The following CAMKV variants were observed in gnomAD, a reference collection of about 807,000 sequenced individuals.
CAMKV encodes the protein caM kinase-like vesicle-associated protein.
Under a neutral mutation model 50.2 loss-of-function variants are expected in CAMKV, and 5 were observed. The observed-to-expected ratio is 0.10, with a 90% CI of 0.05 to 0.21. The LOEUF (loss-of-function observed/expected upper bound fraction) is 0.21. CAMKV is among the 10% of genes least tolerant of loss of function. CAMKV has a pLI of 1.00. For missense variants in CAMKV, 361 were observed against 650.5 expected, an observed-to-expected ratio of 0.55 and a Z score of 4.84; for synonymous variants, 229 against 250.1, an observed-to-expected ratio of 0.92 and a Z score of 0.80.
Position 49,861,953 on chromosome 3 carries a change from T to A in CAMKV, c.228-88A>T. On this transcript the variant is annotated intron_variant, in intron 3 of 10. Coordinates refer to ENST00000477224, the MANE Select transcript of CAMKV (RefSeq NM_024046.5). This position sits in a 1 kb window ranked among gnomAD's most constrained non-coding sequence, Gnocchi z 7.7. ...ACCACAGTGGCCACAGCAGACTAAT[T>A]GGCCAGAGGCTGGGACTGCCTGAGG... 1 of 1,608,122 alleles carries A rather than the reference T, an allele frequency of 6.2e-7. No individual in the cohort carries two copies.
At position 49,869,820 on chromosome 3, in the gene CAMKV, C is replaced by G. The variant is rs1229032904; in HGVS notation, c.-77G>C. On this transcript the variant is annotated 5_prime_UTR_variant, in exon 1 of 11. Transcript: ENST00000477224. The surrounding 1 kb of genome is among the most constrained non-coding windows in gnomAD (Gnocchi z 5.2). ...GGGCTCAGCGGGGCGCCGAGGGCTC[C>G]GGGGACGGCGGGCAGAATCCGCTCC... 1.3e-5 allele frequency: 2 copies of G among 152,222 alleles called. No homozygotes were observed. Among genetic ancestry groups the G allele is most frequent in the African/African-American group, 4.8e-5 (2 of 41,442 alleles). The allele number at this position is 152,222 out of a possible 1,614,324, so 9.4% of individuals were successfully genotyped here.
chr3:49,866,720 T>C (rs1248578460), intron 1 of CAMKV, among the ~76,000 whole-genome samples: 1 of 152,120 alleles, frequency 6.6e-6, no homozygotes, highest in Non-Finnish European at 1.5e-5. Flanking sequence ...CCTCCAGCAA[T>C]CCTGAGGGGT....
rs984276821 is a variant in CAMKV at position 49,861,661 on chromosome 3, A to T, written c.303-84T>A. ...CTTGGGTGAGCTGCCTACGCCAGGCAGCTGGCTGAGCAAGGCACAGGGACC... is the reference window on the plus strand; with the variant it reads ...CTTGGGTGAGCTGCCTACGCCAGGCTGCTGGCTGAGCAAGGCACAGGGACC... On this transcript the variant is annotated intron_variant, in intron 4 of 10. Coordinates refer to ENST00000477224, the MANE Select transcript of CAMKV (RefSeq NM_024046.5). The surrounding 1 kb of genome is among the most constrained non-coding windows in gnomAD (Gnocchi z 7.7). 1.2e-6 allele frequency: 2 copies of T among 1,603,462 alleles called. No homozygotes were observed. Among genetic ancestry groups the T allele is most frequent in the African/African-American group, 2.7e-5 (2 of 74,632 alleles).
rs778486705 is a variant in CAMKV, at chr3:49,859,765, C to G, written c.1059G>C (p.Gly353=). The G allele has an allele frequency of 6.4e-7, 1 of 1,565,020 alleles. No homozygotes were observed. The highest frequency in any genetic ancestry group is 2.2e-5 in the East Asian group (1 of 44,554). ...CTCCACTCGCAGCTGCAGCTGTGGC[C>G]CCACCTGCAGCCCCGGGGGTGGCAG... ...TDTATPGAAG[G]ATAAAASGAT... Residue 353 remains glycine (G), a synonymous_variant, in exon 11 of 11, where the codon GGG becomes GGC. Coordinates refer to ENST00000477224, the MANE Select transcript of CAMKV (RefSeq NM_024046.5). The surrounding 1 kb of genome is among the most constrained non-coding windows in gnomAD (Gnocchi z 5.5).
In CAMKV at chr3:49,860,795, A is replaced by G; in HGVS notation, c.696T>C (p.His232=). 5 of 1,614,060 alleles carry G rather than the reference A, an allele frequency of 3.1e-6. No homozygotes were observed. The highest frequency in any genetic ancestry group is 3.4e-6 in the Non-Finnish European group (4 of 1,180,006). Residue 232 remains histidine, a synonymous_variant, in exon 8 of 11, where the codon CAT becomes CAC. Coordinates refer to ENST00000477224, the MANE Select transcript of CAMKV (RefSeq NM_024046.5). This position sits in a 1 kb window ranked among gnomAD's most constrained non-coding sequence, Gnocchi z 6.1. The part of the protein sequence containing the change: ...EEVEEDDYEN[H]DKNLFRKILA... ...GGATCTTGCGGAAGAGATTCTTATC[A>G]TGGTTCTCATAATCATCTTCTTCCA... is the stretch of plus-strand genomic sequence containing the variant.
chr3:49,860,339 AG>A lies in CAMKV; in HGVS notation c.855-82del. The A allele has an allele frequency of 2.0e-6, 3 of 1,532,862 alleles. No homozygotes were observed. Among genetic ancestry groups the A allele is most frequent in the Non-Finnish European group, 2.7e-6 (3 of 1,107,606 alleles). 95.0% of individuals were successfully genotyped at this position (1,532,862 alleles called of 1,614,324 possible). ...TGCTCAGCCCTTCTATGTGGCATCC[AG>A]GGACTACCAGGCAGAGCCTCTGGGC... On this transcript the variant is annotated intron_variant, in intron 9 of 10. Coordinates refer to ENST00000477224, the MANE Select transcript of CAMKV (RefSeq NM_024046.5). The surrounding 1 kb of genome is among the most constrained non-coding windows in gnomAD (Gnocchi z 6.1).
At chr3:49,868,544 G>A (rs2082082074) in intron 1 of CAMKV, among the ~76,000 whole-genome samples, 1 of 152,192 alleles carries the variant, frequency 6.6e-6, no homozygotes, top group South Asian at 2.1e-4. Flanking sequence ...CTGGAGAGTA[G>A]GGCCATCAGA....
chr3:49,864,636 G>T (rs978684999), intron 1 of CAMKV, among the ~76,000 whole-genome samples: 1 of 152,120 alleles, frequency 6.6e-6, no homozygotes, highest in Non-Finnish European at 1.5e-5. Flanking sequence ...CATAATACCC[G>T]GTCAGTGTGA....
Position 49,861,044 on chromosome 3 carries a change from G to T in CAMKV, c.563-26C>A. 1 of 1,613,742 alleles carries T rather than the reference G, an allele frequency of 6.2e-7. No homozygotes were observed. Among genetic ancestry groups the T allele is most frequent in the Non-Finnish European group, 8.5e-7 (1 of 1,179,900 alleles). ...CTACAAACACAGCGCCCATCTGCTG[G>T]TCAGTATCAGGCCTAGCCAGGTCCA... On this transcript the variant is annotated intron_variant, in intron 6 of 10. Transcript: ENST00000477224. The surrounding 1 kb of genome is among the most constrained non-coding windows in gnomAD (Gnocchi z 7.7).
Position 49,862,506 on chromosome 3 carries a change from G to C in CAMKV, c.-14-104C>G. ...CAACCTGGCTCAGGCCAAGCTAGGG[G>C]CAGAGACCATACCAGGAGGGGCTAG... On this transcript the variant is annotated intron_variant, in intron 1 of 10. Coordinates refer to ENST00000477224, the MANE Select transcript of CAMKV (RefSeq NM_024046.5). The surrounding 1 kb of genome is among the most constrained non-coding windows in gnomAD (Gnocchi z 5.2). 1.1e-6 allele frequency: 1 copy of C among 940,818 alleles called. No homozygotes were observed. The highest frequency in any genetic ancestry group is 1.4e-5 in the South Asian group (1 of 73,782). The allele number at this position is 940,818 out of a possible 1,614,324, so 58.3% of individuals were successfully genotyped here. A position where few individuals can be genotyped will look rare whatever the true frequency, so the allele number is the denominator to read the frequency against.
chr3:49,863,211 A>G (rs2082038165), intron 1 of CAMKV, among the ~76,000 whole-genome samples: 1 of 152,270 alleles, frequency 6.6e-6, no homozygotes, highest in African/African-American at 2.4e-5. Flanking sequence ...TAAGGGGGAT[A>G]CAAACACAGC....
intron 1 of CAMKV, among the ~76,000 whole-genome samples, chr3:49,867,790 C>G (rs926326801): frequency 6.6e-6 from 1 of 151,976 alleles, no homozygotes; most frequent in Non-Finnish European, 1.5e-5. Context: ...AAAGACAGAA[C>G]CTGTGATGGA....
rs1360882177 is a variant in CAMKV at position 49,862,091 on chromosome 3, G to A, written c.181C>T (p.Arg61Cys). 4 of 1,614,126 alleles carry A rather than the reference G, an allele frequency of 2.5e-6. No homozygotes were observed. The highest frequency in any genetic ancestry group is 3.4e-6 in the Non-Finnish European group (4 of 1,180,032). The stretch of plus-strand genomic sequence containing the variant: ...TTCTTGGCAGCTTTCCGCACCTTGC[G>A]GCCGTCCCGCTTCTGGAACTTCTTG... ...TCKKFQKRDGRKVRKAAKNEI... is the reference protein window; with the variant it reads ...TCKKFQKRDGCKVRKAAKNEI... Residue 61 changes from arginine (R) to cysteine (C), a missense_variant, in exon 3 of 11, where the codon CGC becomes TGC. By Grantham distance (180) the Arg-to-Cys change is radical. Around this residue, in one of 4 missense-constraint regions of CAMKV, gnomAD observed 172 missense variants for 414.3 expected, o/e 0.42. Coordinates refer to ENST00000477224, the MANE Select transcript of CAMKV (RefSeq NM_024046.5). This position sits in a 1 kb window ranked among gnomAD's most constrained non-coding sequence, Gnocchi z 5.2.
At position 49,861,153 on chromosome 3, in the gene CAMKV, C is replaced by T; in HGVS notation, c.562+27G>A. 6.3e-7 allele frequency: 1 copy of T among 1,592,046 alleles called. No individual in the cohort carries two copies. ...CCTGAAGGCTGCCCCCCATTATCCCCCTGCCCCTGCCCCACCCCCTGCTTG... is the reference window on the plus strand; with the variant it reads ...CCTGAAGGCTGCCCCCCATTATCCCTCTGCCCCTGCCCCACCCCCTGCTTG... On this transcript the variant is annotated intron_variant, in intron 6 of 10. Coordinates refer to ENST00000477224, the MANE Select transcript of CAMKV (RefSeq NM_024046.5). This position sits in a 1 kb window ranked among gnomAD's most constrained non-coding sequence, Gnocchi z 7.7.
chr3:49,861,425 G>A lies in CAMKV; in HGVS notation c.441+14C>T. 1 of 1,614,064 alleles carries A rather than the reference G, an allele frequency of 6.2e-7. No individual in the cohort carries two copies. The highest frequency in any genetic ancestry group is 8.5e-7 in the Non-Finnish European group (1 of 1,180,024). On this transcript the variant is annotated intron_variant, in intron 5 of 10. Coordinates refer to ENST00000477224, the MANE Select transcript of CAMKV (RefSeq NM_024046.5). This position sits in a 1 kb window ranked among gnomAD's most constrained non-coding sequence, Gnocchi z 7.7. Reference sequence around the variant, plus strand: ...AGCTGCCAACTGGCCCTTTGACTCTGGCTCTGCCCTCACCTTGAGATTCCT... The same window carrying A: ...AGCTGCCAACTGGCCCTTTGACTCTAGCTCTGCCCTCACCTTGAGATTCCT...
chr3:49,859,579 A>G lies in CAMKV; in HGVS notation c.1245T>C (p.Asp415=). ...ATDGSITPAT[D]GSVTPATDRS... is the part of the protein sequence containing the mutation. ...TGTCAGTGGCTGGGGTGACACTCCCATCAGTGGCTGGAGTGATGCTTCCAT... is the reference window on the plus strand; with the variant it reads ...TGTCAGTGGCTGGGGTGACACTCCCGTCAGTGGCTGGAGTGATGCTTCCAT... The change falls in exon 11 of 11, where the codon GAT becomes GAC. Residue 415 remains aspartate (D), a synonymous_variant. Coordinates refer to ENST00000477224, the MANE Select transcript of CAMKV (RefSeq NM_024046.5). This position sits in a 1 kb window ranked among gnomAD's most constrained non-coding sequence, Gnocchi z 5.5. The G allele has an allele frequency of 6.2e-7, 1 of 1,614,148 alleles. No individual in the cohort carries two copies. The highest frequency in any genetic ancestry group is 1.3e-5 in the African/African-American group (1 of 75,028).
intron 1 of CAMKV, among the ~76,000 whole-genome samples, chr3:49,868,278 C>G (rs1463098222): frequency 6.6e-6 from 1 of 152,166 alleles, no homozygotes; most frequent in African/African-American, 2.4e-5. Flanking sequence ...ACCCCTCCCC[C>G]ATCTGCTATC....
intron 1 of CAMKV, among the ~76,000 whole-genome samples, chr3:49,867,400 A>G (rs2082073981): frequency 6.6e-6 from 1 of 152,220 alleles, no homozygotes; most frequent in Non-Finnish European, 1.5e-5. Context: ...GGGGGTGGGC[A>G]TGCAGTCCAG....
Position 49,861,153 on chromosome 3 carries a change from C to A in CAMKV, c.562+27G>T. ...CCTGAAGGCTGCCCCCCATTATCCC[C>A]CTGCCCCTGCCCCACCCCCTGCTTG... On this transcript the variant is annotated intron_variant, in intron 6 of 10. Transcript: ENST00000477224. This position sits in a 1 kb window ranked among gnomAD's most constrained non-coding sequence, Gnocchi z 7.7. 2 of 1,592,044 alleles carry A rather than the reference C, an allele frequency of 1.3e-6. No individual in the cohort carries two copies. Among genetic ancestry groups the A allele is most frequent in the East Asian group, 2.3e-5 (1 of 44,094 alleles).
Sources: allele counts gnomAD v4.1 joint callset (sites outside exome capture counted in the v4.1 genomes callset), GRCh38; gene constraint gnomAD v4.1.1; regional missense constraint gnomAD v4.1.1; non-coding constraint Gnocchi (gnomAD v3.1); transcripts MANE v1.5; gene names NCBI Gene and HGNC (gene_info 2026-07-23, HGNC 2026-07-21).